KCNJ16: variants seen among roughly 807,000 people sequenced by gnomAD.
KCNJ16 encodes inward rectifier potassium channel 16.
Under a neutral mutation model 18.5 loss-of-function variants are expected in KCNJ16, and 15 were observed. The observed-to-expected ratio is 0.81, with a 90% CI of 0.54 to 1.25. The LOEUF (loss-of-function observed/expected upper bound fraction) is 1.25. KCNJ16 is among the 50% of genes most tolerant of loss of function. KCNJ16 has a pLI of 0.00. For missense variants in KCNJ16, 523 were observed against 525.7 expected, an observed-to-expected ratio of 0.99 and a Z score of 0.05; for synonymous variants, 174 against 186.5, an observed-to-expected ratio of 0.93 and a Z score of 0.55.
chr17:70,127,207 G>A (rs2073885529), intron 2 of KCNJ16, among the ~76,000 whole-genome samples: 1 of 152,130 alleles, frequency 6.6e-6, no homozygotes, highest in African/African-American at 2.4e-5. Flanking sequence ...GGAAGAAAAG[G>A]TGTAGGACAC....
At chr17:70,079,513 C>A (rs1800990542) in intron 1 of KCNJ16, among the ~76,000 whole-genome samples, 1 of 152,158 alleles carries the variant, frequency 6.6e-6, no homozygotes, top group Admixed American at 6.5e-5. Flanking sequence ...AATCCAACTT[C>A]ATCCTGATTG....
chr17:70,128,138 G>C (rs1180364497), intron 2 of KCNJ16: 1 of 152,198 alleles, frequency 6.6e-6, no homozygotes, highest in Non-Finnish European at 1.5e-5. Flanking sequence ...GGATGAGTCT[G>C]ATTGAGACGC....
At chr17:70,086,529 A>G (rs2071803431) in intron 1 of KCNJ16, among the ~76,000 whole-genome samples, 2 of 152,268 alleles carry the variant, frequency 1.3e-5, no homozygotes, top group African/African-American at 2.4e-5. Context: ...TTATTTTACA[A>G]AAATGGTTAT....
intron 2 of KCNJ16, among the ~76,000 whole-genome samples, chr17:70,103,296 G>GTGTATATATA (rs1408960241): frequency 1.4e-5 from 1 of 72,050 alleles, no homozygotes; most frequent in African/African-American, 4.4e-5. Flanking sequence ...ATGTGTGTGT[G>GTGTATATATA]TATATATATA....
At chr17:70,128,202 A>G (rs1372129971) in intron 2 of KCNJ16, 1 of 152,220 alleles carries the variant, frequency 6.6e-6, no homozygotes, top group East Asian at 1.9e-4. Context: ...TGTTATGTTG[A>G]GAATGTTCCT....
At chr17:70,103,315 T>TACACACAC (rs1472242886) in intron 2 of KCNJ16, among the ~76,000 whole-genome samples, 6 of 20,850 alleles carry the variant, frequency 2.9e-4, no homozygotes, top group African/African-American at 5.8e-4. Flanking sequence ...TATATATATA[T>TACACACAC]ATATATACAC....
At chr17:70,105,988 A>G (rs567644836) in intron 2 of KCNJ16, among the ~76,000 whole-genome samples, 1 of 152,204 alleles carries the variant, frequency 6.6e-6, no homozygotes, top group Non-Finnish European at 1.5e-5. Context: ...TCTTGAAATA[A>G]TCCTGAGAAT....
At chr17:70,076,431 A>G (rs1473745294) in intron 1 of KCNJ16, among the ~76,000 whole-genome samples, 2 of 72,514 alleles carry the variant, frequency 2.8e-5, no homozygotes, top group Non-Finnish European at 5.6e-5. Context: ...AAAAGTGAAC[A>G]AGGTCCAGAG....
intron 1 of KCNJ16, among the ~76,000 whole-genome samples, chr17:70,090,929 A>T (rs1398720475): frequency 1.3e-5 from 2 of 152,226 alleles, no homozygotes; most frequent in Non-Finnish European, 2.9e-5. Flanking sequence ...CAAAATCCTT[A>T]GCCTAACCGG....
intron 2 of KCNJ16, chr17:70,108,404 G>A (rs929260931): frequency 6.6e-6 from 1 of 152,206 alleles, no homozygotes; most frequent in African/African-American, 2.4e-5. Flanking sequence ...GGGCTGACAT[G>A]AGGGGTAATG....
chr17:70,123,351 G>C (rs984278279), intron 2 of KCNJ16, among the ~76,000 whole-genome samples: 14 of 152,186 alleles, frequency 9.2e-5, no homozygotes, highest in African/African-American at 3.1e-4. Flanking sequence ...AGAAACCTTT[G>C]CATGAGTCAT....
intron 2 of KCNJ16, 121 bp from the exon 3 acceptor site, chr17:70,130,758 T>G (rs1208997512): frequency 1.7e-5 from 10 of 580,852 alleles, no homozygotes; most frequent in Non-Finnish European, 3.1e-5. Context: ...TTCCCTAAAG[T>G]CCCCCGTTAT....
At chr17:70,108,352 T>A (rs924286028) in intron 2 of KCNJ16, 18 of 152,194 alleles carry the variant, frequency 1.2e-4, no homozygotes, top group Non-Finnish European at 2.2e-4. Context: ...CAATCTCTGC[T>A]GGTCAGTCAC....
intron 2 of KCNJ16, among the ~76,000 whole-genome samples, chr17:70,120,923 G>A (rs934446940): frequency 1.6e-4 from 24 of 152,186 alleles, no homozygotes; most frequent in Non-Finnish European, 2.6e-4. Context: ...GAATACTCAA[G>A]AAACCAGTTA....
chr17:70,102,768 G>A lies in KCNJ16; in HGVS notation c.-191+2002G>A, dbSNP rs138621430. ...CATGCTTTCAACACTTCCTGTCACC[G>A]TTTTTACTCGTCCCTAGTCAAATCA... On this transcript the variant is annotated intron_variant, in intron 2 of 3. Coordinates refer to ENST00000392671, the MANE Select transcript of KCNJ16 (RefSeq NM_170741.4). 7.2e-5 allele frequency among the ~76,000 whole-genome samples: 11 copies of A among 152,098 alleles called. 1 individual carries two copies. The South Asian group carries it at 8.3e-4, about 11-fold the overall frequency.
At chr17:70,114,461 A>C (rs2073321031) in intron 2 of KCNJ16, among the ~76,000 whole-genome samples, 1 of 152,188 alleles carries the variant, frequency 6.6e-6, no homozygotes, top group Non-Finnish European at 1.5e-5. Flanking sequence ...TGCCTTCCAC[A>C]AATTACATTT....
At chr17:70,121,103 T>G (rs1289532651) in intron 2 of KCNJ16, among the ~76,000 whole-genome samples, 1 of 152,136 alleles carries the variant, frequency 6.6e-6, no homozygotes, top group Non-Finnish European at 1.5e-5. Flanking sequence ...TTACCCCTTC[T>G]GGGATATGAG....
At chr17:70,078,363 G>C (rs1417284245) in intron 1 of KCNJ16, among the ~76,000 whole-genome samples, 3 of 151,864 alleles carry the variant, frequency 2.0e-5, no homozygotes, top group African/African-American at 7.3e-5. Flanking sequence ...ATAAAAAAAA[G>C]GTGATTTTTA....
chr17:70,101,377 G>A (rs2072610352), intron 2 of KCNJ16: 1 of 152,108 alleles, frequency 6.6e-6, no homozygotes, highest in Non-Finnish European at 1.5e-5. Flanking sequence ...TTTCTCAATA[G>A]TACTGCAAAA....
Sources: allele counts gnomAD v4.1 joint callset (sites outside exome capture counted in the v4.1 genomes callset), GRCh38; gene constraint gnomAD v4.1.1; transcripts MANE v1.5; gene names NCBI Gene and HGNC (gene_info 2026-07-23, HGNC 2026-07-21).